The following RSPO3 variants were observed in gnomAD, a reference collection of about 807,000 sequenced individuals.
The protein encoded by RSPO3 is R-spondin 3.
RSPO3 carries 17 observed loss-of-function variants against 36.5 expected under a neutral mutation model. The observed-to-expected ratio is 0.47, with a 90% CI of 0.32 to 0.70. The LOEUF (loss-of-function observed/expected upper bound fraction) is 0.70, where lower values mean the gene tolerates loss of function less well. Among genes scored for constraint, RSPO3 ranks in the 30% least tolerant of loss-of-function variants. RSPO3 has a pLI of 0.04. For missense variants in RSPO3, 294 were observed against 322.5 expected (o/e 0.91, Z 0.68); for synonymous variants, 108 against 107.0 (o/e 1.01, Z -0.06).
At chr6:127,173,721 G>A (rs1304142238) in intron 4 of RSPO3, among the ~76,000 whole-genome samples, 1 of 151,788 alleles carries the variant, frequency 6.6e-6, no homozygotes, top group African/African-American at 2.4e-5. Flanking sequence ...GGAACACAAC[G>A]TGCATGTGCG....
At chr6:127,128,277 C>A (rs1364666100) in intron 1 of RSPO3, among the ~76,000 whole-genome samples, 1 of 152,002 alleles carries the variant, frequency 6.6e-6, no homozygotes, top group Non-Finnish European at 1.5e-5. Flanking sequence ...ACTCTGAATT[C>A]TTGCTTTATG....
chr6:127,120,986 T>C (rs1282806888), intron 1 of RSPO3, among the ~76,000 whole-genome samples: 7 of 152,180 alleles, frequency 4.6e-5, no homozygotes, highest in Non-Finnish European at 1.0e-4. Flanking sequence ...GCCTGGGGAA[T>C]TGAGTCTCAG....
At chr6:127,157,343 C>A (rs1213300140) in intron 4 of RSPO3, among the ~76,000 whole-genome samples, 3 of 152,026 alleles carry the variant, frequency 2.0e-5, no homozygotes, top group African/African-American at 7.2e-5. Context: ...GAAAAGTTAT[C>A]CAATAGCAGA....
At chr6:127,181,828 C>T (rs1283874911) in intron 4 of RSPO3, among the ~76,000 whole-genome samples, 2 of 151,878 alleles carry the variant, frequency 1.3e-5, no homozygotes, top group African/African-American at 4.8e-5. Context: ...TATATACAGT[C>T]ATTGATCACG....
chr6:127,170,267 T>G (rs1774909320), intron 4 of RSPO3, among the ~76,000 whole-genome samples: 1 of 151,758 alleles, frequency 6.6e-6, no homozygotes, highest in African/African-American at 2.4e-5. Context: ...CAGAACCCTC[T>G]GCTCTGTTGA....
At chr6:127,184,381 C>T (rs902667680) in intron 4 of RSPO3, among the ~76,000 whole-genome samples, 1 of 151,616 alleles carries the variant, frequency 6.6e-6, no homozygotes, top group Non-Finnish European at 1.5e-5. Context: ...GCAAAAAGGC[C>T]TAGAAATATG....
chr6:127,197,341 C>T lies in RSPO3; in HGVS notation c.*1334C>T. On this transcript the variant is annotated 3_prime_UTR_variant, in exon 5 of 5. Transcript: ENST00000356698. Reference sequence around the variant, plus strand: ...TCCCCCTTCATTGCTTAGAAATGGGCATCATTTCTTGTATGTCAGATCCCC... The same window carrying T: ...TCCCCCTTCATTGCTTAGAAATGGGTATCATTTCTTGTATGTCAGATCCCC... The T allele has an allele frequency of 6.7e-7, 1 of 1,495,834 alleles. No individual in the cohort carries two copies. Among genetic ancestry groups the T allele is most frequent in the Admixed American group, 2.0e-5 (1 of 48,950 alleles). The allele number at this position is 1,495,834 out of a possible 1,614,324, so 92.7% of individuals were successfully genotyped here.
chr6:127,147,005 A>C (rs1263035103), intron 1 of RSPO3, among the ~76,000 whole-genome samples: 1 of 152,118 alleles, frequency 6.6e-6, no homozygotes, highest in South Asian at 2.1e-4. Context: ...AGGCCCTGTA[A>C]TGTCTAAACC....
In RSPO3 at chr6:127,153,947, T is replaced by G. The variant is rs561583536; in HGVS notation, c.437-1294T>G. On this transcript the variant is annotated intron_variant, in intron 3 of 4. Coordinates refer to ENST00000356698, the MANE Select transcript of RSPO3 (RefSeq NM_032784.5). ...TTACTCTATTCTTGAATGAAAATTGTAGTGGTATAACTGAGCATGAAGACT... is the reference window on the plus strand; with the variant it reads ...TTACTCTATTCTTGAATGAAAATTGGAGTGGTATAACTGAGCATGAAGACT... 3.3e-5 allele frequency among the ~76,000 whole-genome samples: 5 copies of G among 152,248 alleles called. No individual in the cohort carries two copies. The East Asian group carries it at 5.8e-4, about 18-fold the overall frequency.
chr6:127,133,637 T>C (rs1051679954), intron 1 of RSPO3, among the ~76,000 whole-genome samples: 1 of 149,040 alleles, frequency 6.7e-6, no homozygotes, highest in Non-Finnish European at 1.5e-5. Context: ...ATGTCTAGAA[T>C]GCTGAGTTAT....
Position 127,197,435 on chromosome 6 carries a change from G to A in RSPO3, c.*1428G>A. 1 of 1,550,468 alleles carries A rather than the reference G, an allele frequency of 6.4e-7. No individual in the cohort carries two copies. The highest frequency in any genetic ancestry group is 8.7e-7 in the Non-Finnish European group (1 of 1,146,970). On this transcript the variant is annotated 3_prime_UTR_variant, in exon 5 of 5. Coordinates refer to ENST00000356698, the MANE Select transcript of RSPO3 (RefSeq NM_032784.5). ...CTGTGGATCTCTTTAGGGGATTGAA[G>A]TCACCCTAGCTGAAGGCCTCACCAG...
Position 127,195,960 on chromosome 6 carries a change from A to G in RSPO3, c.772A>G (p.Lys258Glu). Residue 258 changes from lysine to glutamate, a missense_variant, in exon 5 of 5, where the codon AAA becomes GAA. Lys to Glu is a moderately conservative substitution (Grantham distance 56). Coordinates refer to ENST00000356698, the MANE Select transcript of RSPO3 (RefSeq NM_032784.5). The part of the protein sequence containing the change: ...RENKQQQKKR[K>E]VQDKQKSVSV... The stretch of plus-strand genomic sequence containing the variant: ...AAACAAACAGCAGCAGAAGAAGCGA[A>G]AAGTCCAAGATAAACAGAAATCGGT... The G allele has an allele frequency of 6.2e-7, 1 of 1,613,102 alleles. No homozygotes were observed. The highest frequency in any genetic ancestry group is 8.5e-7 in the Non-Finnish European group (1 of 1,179,258).
chr6:127,121,090 G>T (rs1363798667), intron 1 of RSPO3, among the ~76,000 whole-genome samples: 1 of 152,190 alleles, frequency 6.6e-6, no homozygotes, highest in African/African-American at 2.4e-5. Flanking sequence ...CCCAGAGCAC[G>T]CTCTCTCCTT....
intron 4 of RSPO3, among the ~76,000 whole-genome samples, chr6:127,165,999 G>T (rs1379813309): frequency 1.3e-5 from 2 of 151,946 alleles, no homozygotes; most frequent in African/African-American, 2.4e-5. Flanking sequence ...CAATGTGAAA[G>T]TGGGTTGTAT....
At chr6:127,152,332 A>G (rs765111225) in intron 3 of RSPO3, among the ~76,000 whole-genome samples, 1 of 152,118 alleles carries the variant, frequency 6.6e-6, no homozygotes, top group Admixed American at 6.6e-5. Context: ...TTGCTCAATA[A>G]GAGATGTCTC....
chr6:127,150,320 T>G, intron 2 of RSPO3, 106 bp from the exon 3 acceptor site: 3 of 1,076,228 alleles, frequency 2.8e-6, no homozygotes, highest in African/African-American at 1.6e-5. Flanking sequence ...CTTCAGGTGT[T>G]TATTTGATAC....
chr6:127,197,530 T>A lies in RSPO3; in HGVS notation c.*1523T>A, dbSNP rs1048659975. On this transcript the variant is annotated 3_prime_UTR_variant, in exon 5 of 5. Coordinates refer to ENST00000356698, the MANE Select transcript of RSPO3 (RefSeq NM_032784.5). ...TCTGAGTGTGCAGCACAGAATCGCA[T>A]GACCCACCTTAACCTTCCTGTTGTC... 1.9e-6 allele frequency: 3 copies of A among 1,550,178 alleles called. No homozygotes were observed. The African/African-American group carries it at 4.1e-5, about 21-fold the overall frequency.
rs537753905 is a variant in RSPO3, at chr6:127,130,747, A to AATG, written c.97+11459_97+11461dup. 3.5e-4 allele frequency among the ~76,000 whole-genome samples: 53 copies of AATG among 152,240 alleles called. No homozygotes were observed. The East Asian group carries it at 9.5e-3, about 27-fold the overall frequency. ...CCATAAAATACAAACGGTATGGACAAATGCTGCTTGGCCACAAACTGAGGA... is the reference window on the plus strand; with the variant it reads ...CCATAAAATACAAACGGTATGGACAAATGATGCTGCTTGGCCACAAACTGAGGA... On this transcript the variant is annotated intron_variant, in intron 1 of 4. Coordinates refer to ENST00000356698, the MANE Select transcript of RSPO3 (RefSeq NM_032784.5).
At chr6:127,128,047 T>A (rs553296925) in intron 1 of RSPO3, among the ~76,000 whole-genome samples, 3 of 152,190 alleles carry the variant, frequency 2.0e-5, no homozygotes, top group Non-Finnish European at 4.4e-5. Context: ...TGATTGTTAT[T>A]TCCATCTATG....
Sources: gnomAD v4.1 joint callset for allele counts (sites outside exome capture counted in the v4.1 genomes callset) on GRCh38, gnomAD v4.1.1 for gene constraint, MANE v1.5 for transcripts, NCBI Gene and HGNC (gene_info 2026-07-23, HGNC 2026-07-21) for gene names.